Variants in TMEM117 observed in about 807,000 individuals in gnomAD.
TMEM117 encodes transmembrane protein 117.
Under a neutral mutation model 52.4 loss-of-function variants are expected in TMEM117, and 27 were observed. That is an observed-to-expected ratio of 0.51 (90% CI 0.38 to 0.71). The LOEUF (loss-of-function observed/expected upper bound fraction) is 0.71, where lower values mean the gene tolerates loss of function less well. Ranked by LOEUF, TMEM117 falls within the 30% of genes least tolerant of loss-of-function variation. TMEM117 has a pLI of 0.00. For missense variants in TMEM117, 556 were observed against 630.5 expected, an observed-to-expected ratio of 0.88 and a Z score of 1.26; for synonymous variants, 215 against 206.3, an observed-to-expected ratio of 1.04 and a Z score of -0.36.
At chr12:43,828,369 A>G in the TMEM117 span, among the ~76,000 whole-genome samples, 20 of 152,218 alleles carry the variant, frequency 1.3e-4, no homozygotes, top group Non-Finnish European at 2.8e-4. Flanking sequence ...CTCAGCAGCT[A>G]TGATGCAGGA....
At chr12:44,125,148 A>G (rs1948302114) in intron 3 of TMEM117, among the ~76,000 whole-genome samples, 1 of 152,100 alleles carries the variant, frequency 6.6e-6, no homozygotes, top group Admixed American at 6.5e-5. Context: ...TCTTTCGCCC[A>G]GGCTGGAGTG....
At chr12:43,812,859 C>CAAA in the TMEM117 span, among the ~76,000 whole-genome samples, 1 of 111,256 alleles carries the variant, frequency 9.0e-6, no homozygotes. Context: ...ACAAAAAGTA[C>CAAA]AAAAAAAAAA....
At chr12:43,810,936 TAATG>T in the TMEM117 span, among the ~76,000 whole-genome samples, 1 of 152,214 alleles carries the variant, frequency 6.6e-6, no homozygotes, top group Non-Finnish European at 1.5e-5. Context: ...TTTATGTTAA[TAATG>T]GGAACAGTAA....
chr12:43,836,580 G>C (rs1411816072), intron 1 of TMEM117, among the ~76,000 whole-genome samples: 1 of 152,170 alleles, frequency 6.6e-6, no homozygotes, highest in Non-Finnish European at 1.5e-5. Flanking sequence ...CCTAGCCTAG[G>C]AACTGAGTAA....
chr12:43,968,520 T>C lies in TMEM117; in HGVS notation c.410+24178T>C, dbSNP rs895039384. ...CTACTTGTGACAAAGGAAAAAATAA[T>C]TGGCAGGTAACACCATTTTTCCGGC... On this transcript the variant is annotated intron_variant, in intron 3 of 7. Transcript: ENST00000266534. Among the ~76,000 whole-genome samples the C allele has an allele frequency of 4.6e-5, 7 of 152,234 alleles. No homozygotes were observed. In the East Asian group the frequency reaches 1.2e-3, roughly 25 times the overall value.
At chr12:44,315,364 C>T (rs1592687257) in intron 6 of TMEM117, among the ~76,000 whole-genome samples, 2 of 152,212 alleles carry the variant, frequency 1.3e-5, no homozygotes, top group African/African-American at 4.8e-5. Context: ...TGAGATCTTC[C>T]TAACTTCTTG....
chr12:44,376,512 G>T, intron 6 of TMEM117, 83 bp from the exon 7 acceptor site: 1 of 1,508,098 alleles, frequency 6.6e-7, no homozygotes. Context: ...TAAAATAAGT[G>T]CTTATAAAAA....
At chr12:44,321,799 CA>C (rs1951133756) in intron 6 of TMEM117, among the ~76,000 whole-genome samples, 1 of 152,108 alleles carries the variant, frequency 6.6e-6, no homozygotes, top group African/African-American at 2.4e-5. Context: ...GCAAGCTACT[CA>C]ATATTAATAA....
intron 3 of TMEM117, among the ~76,000 whole-genome samples, chr12:44,130,666 T>C (rs1444572583): frequency 6.6e-6 from 1 of 152,152 alleles, no homozygotes; most frequent in Non-Finnish European, 1.5e-5. Context: ...TGGATTTTTC[T>C]TGTGGGAAAG....
intron 3 of TMEM117, among the ~76,000 whole-genome samples, chr12:43,947,490 A>G (rs527932599): frequency 6.6e-6 from 1 of 152,330 alleles, no homozygotes; most frequent in East Asian, 1.9e-4. Flanking sequence ...CAACTGTGCT[A>G]TTGGGGTTGT....
chr12:43,965,014 T>C (rs1945462060), intron 3 of TMEM117, among the ~76,000 whole-genome samples: 1 of 152,082 alleles, frequency 6.6e-6, no homozygotes, highest in Non-Finnish European at 1.5e-5. Flanking sequence ...AAGAACACAG[T>C]TGGAATTTGA....
intron 2 of TMEM117, among the ~76,000 whole-genome samples, chr12:43,861,629 G>A (rs1297937226): frequency 6.6e-6 from 1 of 152,208 alleles, no homozygotes; most frequent in African/African-American, 2.4e-5. Flanking sequence ...ACAGTGGGTG[G>A]AGGAAGATCT....
At chr12:44,309,612 C>A (rs1950947333) in intron 6 of TMEM117, among the ~76,000 whole-genome samples, 1 of 152,078 alleles carries the variant, frequency 6.6e-6, no homozygotes, top group Non-Finnish European at 1.5e-5. Flanking sequence ...TTAATATGTA[C>A]TGGGCACTGT....
intron 5 of TMEM117, among the ~76,000 whole-genome samples, chr12:44,274,003 G>C (rs1479322232): frequency 6.6e-6 from 1 of 151,936 alleles, no homozygotes; most frequent in African/African-American, 2.4e-5. Context: ...TGTCCAAATT[G>C]GAATGGAATA....
the TMEM117 span, among the ~76,000 whole-genome samples, chr12:44,396,848 C>CAAA: frequency 1.5e-5 from 1 of 66,426 alleles, no homozygotes; most frequent in African/African-American, 4.9e-5. Context: ...AGTGAGACTC[C>CAAA]AAAAAAAAAA....
intron 3 of TMEM117, among the ~76,000 whole-genome samples, chr12:43,952,942 C>T (rs149992423): frequency 2.7e-4 from 41 of 152,118 alleles, no homozygotes; most frequent in South Asian, 1.0e-3. Context: ...TAACAGCAGA[C>T]CCCTAAGCAG....
chr12:44,105,760 G>A (rs994713449), intron 3 of TMEM117, among the ~76,000 whole-genome samples: 4 of 152,010 alleles, frequency 2.6e-5, no homozygotes, highest in African/African-American at 9.7e-5. Context: ...AGGTCAGATA[G>A]GCTCTGATCA....
intron 3 of TMEM117, among the ~76,000 whole-genome samples, chr12:44,000,364 T>C (rs1946096634): frequency 6.6e-6 from 1 of 152,182 alleles, no homozygotes; most frequent in African/African-American, 2.4e-5. Context: ...GGGCAGTCTT[T>C]GTGTACTCCC....
chr12:43,890,952 A>G (rs1455895265), intron 2 of TMEM117, among the ~76,000 whole-genome samples: 1 of 151,994 alleles, frequency 6.6e-6, no homozygotes, highest in Admixed American at 6.6e-5. Context: ...TTTTTTTCTA[A>G]AGAGGAAATC....
Sources: allele counts gnomAD v4.1 joint callset (sites outside exome capture counted in the v4.1 genomes callset), GRCh38; gene constraint gnomAD v4.1.1; transcripts MANE v1.5; gene names NCBI Gene and HGNC (gene_info 2026-07-23, HGNC 2026-07-21).